CUX2: variants seen among roughly 807,000 people sequenced by gnomAD.
CUX2 encodes the protein cut like homeobox 2.
Under a neutral mutation model 144.8 loss-of-function variants are expected in CUX2, and 40 were observed. That is an observed-to-expected ratio of 0.28 (90% CI 0.21 to 0.36). The LOEUF is 0.36. Among genes scored for constraint, CUX2 ranks in the 10% least tolerant of loss-of-function variants. The probability of loss-of-function intolerance (pLI) is 1.00; values close to 1 mark genes in which losing one functional copy is unlikely to be tolerated. For missense variants in CUX2, 1,615 were observed against 1,994.0 expected, an observed-to-expected ratio of 0.81 and a Z score of 3.62; for synonymous variants, 827 against 875.6, an observed-to-expected ratio of 0.94 and a Z score of 0.98.
chr12:111,153,607 A>G (rs1263099473), intron 1 of CUX2, among the ~76,000 whole-genome samples: 1 of 152,186 alleles, frequency 6.6e-6, no homozygotes, highest in African/African-American at 2.4e-5. Flanking sequence ...CAATGGAACC[A>G]CCATTGTATA....
intron 18 of CUX2, among the ~76,000 whole-genome samples, chr12:111,328,619 T>TGA (rs1555217365): frequency 8.1e-4 from 121 of 148,618 alleles, no homozygotes; most frequent in Non-Finnish European, 1.4e-3. Flanking sequence ...TGTGTGTGTG[T>TGA]GACAGAGTCT....
In CUX2 at chr12:111,290,454, G is replaced by A. The variant is rs181653934; in HGVS notation, c.302-964G>A. The stretch of plus-strand genomic sequence containing the variant: ...TTTTATTTTATTTTTTTGAGATGGA[G>A]CCTTACTCTGTCCCCCAGGCTGGAG... On this transcript the variant is annotated intron_variant, in intron 4 of 21. Coordinates refer to ENST00000261726, the MANE Select transcript of CUX2 (RefSeq NM_015267.4). Among the ~76,000 whole-genome samples, 4 of 152,184 alleles carry A rather than the reference G, an allele frequency of 2.6e-5. No homozygotes were observed. The East Asian group carries it at 5.8e-4, about 22-fold the overall frequency.
chr12:111,044,383 C>T (rs1241410032), intron 1 of CUX2, among the ~76,000 whole-genome samples: 3 of 152,026 alleles, frequency 2.0e-5, no homozygotes, highest in Admixed American at 2.0e-4. Flanking sequence ...CTCCCGTCCC[C>T]TGTCATTCTC....
rs1875022587 is a variant in CUX2 at position 111,125,803 on chromosome 12, G to A, written c.64-88397G>A. Among the ~76,000 whole-genome samples the A allele has an allele frequency of 5.3e-5, 8 of 152,276 alleles. No individual in the cohort carries two copies. In the South Asian group the frequency reaches 1.7e-3, roughly 32 times the overall value. On this transcript the variant is annotated intron_variant, in intron 1 of 21. Transcript: ENST00000261726. ...TAGAGAATGGGCACCCAGGCAAATGGCTCTGAGGATTGCCAGACAGGAGTG... is the reference window on the plus strand; with the variant it reads ...TAGAGAATGGGCACCCAGGCAAATGACTCTGAGGATTGCCAGACAGGAGTG...
chr12:111,137,028 CCCAGGCTCAAACAGTTCT>C (rs1283097583), intron 1 of CUX2, among the ~76,000 whole-genome samples: 1 of 151,558 alleles, frequency 6.6e-6, no homozygotes, highest in Non-Finnish European at 1.5e-5. Flanking sequence ...ACCTCTGCTT[CCCAGGCTCAAACAGTTCT>C]CCAGCCTCAG....
chr12:111,191,329 A>C (rs897970203), intron 1 of CUX2, among the ~76,000 whole-genome samples: 49 of 150,322 alleles, frequency 3.3e-4, no homozygotes, highest in Non-Finnish European at 6.1e-4. Flanking sequence ...TTATTTATTT[A>C]TTTATTTATT....
intron 1 of CUX2, among the ~76,000 whole-genome samples, chr12:111,142,701 A>ATATTT (rs1177565093): frequency 6.6e-6 from 1 of 152,196 alleles, no homozygotes; most frequent in African/African-American, 2.4e-5. Flanking sequence ...CAGCCGTTTC[A>ATATTT]TATTTTATAA....
intron 3 of CUX2, among the ~76,000 whole-genome samples, chr12:111,256,587 G>A (rs536541676): frequency 6.6e-6 from 1 of 152,164 alleles, no homozygotes; most frequent in Non-Finnish European, 1.5e-5. Context: ...CAGGGAAGGA[G>A]TTGTGCAGTC....
intron 1 of CUX2, among the ~76,000 whole-genome samples, chr12:111,100,911 GGTCACT>G (rs1340684430): frequency 6.6e-6 from 1 of 152,182 alleles, no homozygotes; most frequent in Non-Finnish European, 1.5e-5. Flanking sequence ...CCACCAAGGA[GGTCACT>G]GTAGACTCCC....
chr12:111,081,312 T>A (rs111304479), intron 1 of CUX2, among the ~76,000 whole-genome samples: 1,930 of 152,240 alleles, frequency 0.013, 43 homozygotes, highest in African/African-American at 0.044. Flanking sequence ...TCTTTTTAAG[T>A]ATGGGAAGTT....
At chr12:111,211,832 A>T (rs1401891078) in intron 1 of CUX2, among the ~76,000 whole-genome samples, 1 of 150,932 alleles carries the variant, frequency 6.6e-6, no homozygotes, top group African/African-American at 2.4e-5. Flanking sequence ...GCTTGCAGTG[A>T]GCTGAGATGG....
intron 1 of CUX2, among the ~76,000 whole-genome samples, chr12:111,042,654 C>T (rs1020883577): frequency 2.0e-5 from 3 of 152,026 alleles, no homozygotes; most frequent in African/African-American, 7.3e-5. Flanking sequence ...TTTTTTGAGA[C>T]GAGGTCTCAG....
At chr12:111,275,732 CTT>C (rs916074637) in intron 4 of CUX2, among the ~76,000 whole-genome samples, 1 of 152,152 alleles carries the variant, frequency 6.6e-6, no homozygotes, top group African/African-American at 2.4e-5. Context: ...AAGACTGAAA[CTT>C]TGAACACATT....
chr12:111,092,659 G>T (rs555484005), intron 1 of CUX2, among the ~76,000 whole-genome samples: 34 of 152,192 alleles, frequency 2.2e-4, no homozygotes, highest in African/African-American at 7.0e-4. Flanking sequence ...TCCTGCCAGC[G>T]ATTGGCTAGG....
rs1452431194 is a variant in CUX2 at position 111,279,719 on chromosome 12, C to T, written c.302-11699C>T. 3.3e-5 allele frequency among the ~76,000 whole-genome samples: 5 copies of T among 152,308 alleles called. No individual in the cohort carries two copies. In the South Asian group the frequency reaches 8.3e-4, roughly 25 times the overall value. On this transcript the variant is annotated intron_variant, in intron 4 of 21. Transcript: ENST00000261726. ...AAACAAGGAGCTGGGCTCGGTGGCT[C>T]ATGCCTGTAATCCCAGCACTTTGGA...
At chr12:111,089,307 C>A (rs753360100) in intron 1 of CUX2, among the ~76,000 whole-genome samples, 2 of 152,234 alleles carry the variant, frequency 1.3e-5, no homozygotes, top group Non-Finnish European at 2.9e-5. Flanking sequence ...CAACTGATTT[C>A]TCTTCAAGCC....
chr12:111,163,366 C>T (rs913947369), intron 1 of CUX2, among the ~76,000 whole-genome samples: 9 of 152,058 alleles, frequency 5.9e-5, no homozygotes, highest in Admixed American at 2.0e-4. Flanking sequence ...CCATTGTAAC[C>T]GAATAGTGAC....
intron 1 of CUX2, among the ~76,000 whole-genome samples, chr12:111,085,027 A>G (rs1459780798): frequency 6.6e-6 from 1 of 152,234 alleles, no homozygotes; most frequent in East Asian, 1.9e-4. Context: ...ACACTGTGAC[A>G]GAGCAGGCAA....
At chr12:111,218,006 GT>G in intron 3 of CUX2, 69 bp downstream of exon 3, 1 of 1,562,238 alleles carries the variant, frequency 6.4e-7, no homozygotes, top group Non-Finnish European at 8.8e-7. Context: ...CCCACCTAGA[GT>G]TGCCCAGGGG....
Sources: gnomAD v4.1 joint callset for allele counts (sites outside exome capture counted in the v4.1 genomes callset) on GRCh38, gnomAD v4.1.1 for gene constraint, MANE v1.5 for transcripts, NCBI Gene and HGNC (gene_info 2026-07-23, HGNC 2026-07-21) for gene names.